Variants in LMNTD1 observed in about 807,000 individuals in gnomAD.
The protein encoded by LMNTD1 is lamin tail domain containing 1, also known as lamin tail domain-containing protein 1.
Under a neutral mutation model 50.9 loss-of-function variants are expected in LMNTD1, and 35 were observed. The ratio of observed to expected loss-of-function variants is 0.69; its 90% confidence interval spans 0.53 to 0.91. The LOEUF (loss-of-function observed/expected upper bound fraction) is 0.91. LMNTD1 is among the 40% of genes least tolerant of loss of function. The probability of loss-of-function intolerance (pLI) is 0.00; values close to 1 mark genes in which losing one functional copy is unlikely to be tolerated. For synonymous variants in LMNTD1, 153 were observed against 161.9 expected (o/e 0.94, Z 0.42); for missense variants, 470 against 475.5 (o/e 0.99, Z 0.11).
At chr12:25,638,983 A>T (rs1946894601) in intron 1 of LMNTD1, among the ~76,000 whole-genome samples, 1 of 152,200 alleles carries the variant, frequency 6.6e-6, no homozygotes, top group African/African-American at 2.4e-5. Flanking sequence ...AGATCAGTGG[A>T]ACATAACTGA....
intron 1 of LMNTD1, among the ~76,000 whole-genome samples, chr12:25,616,502 A>G (rs559084501): frequency 6.6e-6 from 1 of 152,312 alleles, no homozygotes; most frequent in Admixed American, 6.5e-5. Context: ...GGAAATGAAG[A>G]CAAGATTCAA....
intron 1 of LMNTD1, among the ~76,000 whole-genome samples, chr12:25,621,441 G>T (rs1178926625): frequency 2.6e-5 from 4 of 152,114 alleles, no homozygotes; most frequent in Non-Finnish European, 5.9e-5. Flanking sequence ...ACAAATAAGG[G>T]TTGTATAGAT....
At chr12:25,486,700 A>T (rs11502712) in intron 9 of LMNTD1, among the ~76,000 whole-genome samples, 27,090 of 148,874 alleles carry the variant, frequency 0.18, 2,582 homozygotes, top group Middle Eastern at 0.25. Flanking sequence ...ATTTATTGAG[A>T]GTTTTTAGCA....
At chr12:25,628,969 G>A (rs1274543014) in intron 1 of LMNTD1, among the ~76,000 whole-genome samples, 1 of 152,112 alleles carries the variant, frequency 6.6e-6, no homozygotes. Context: ...CCCAAAGGTG[G>A]TATGAGAAGC....
In LMNTD1 at chr12:25,584,634, G is replaced by A. The variant is rs187736373; in HGVS notation, c.59-38080C>T. ...ATGCTTTGACAAATAGTAAAGAAAC[G>A]CATTTTAACATCTGGTTTGACATCT... On this transcript the variant is annotated intron_variant, in intron 1 of 7. Transcript: ENST00000445693. Among the ~76,000 whole-genome samples, 333 of 152,256 alleles carry A rather than the reference G, an allele frequency of 2.2e-3. 1 individual carries two copies. The highest frequency in any genetic ancestry group is 3.2e-3 in the Non-Finnish European group (219 of 68,024).
intron 1 of LMNTD1, among the ~76,000 whole-genome samples, chr12:25,618,344 A>G (rs969935233): frequency 2.5e-4 from 38 of 152,296 alleles, no homozygotes; most frequent in African/African-American, 9.1e-4. Context: ...ATCATTCGTC[A>G]GGTGATTCTA....
intron 1 of LMNTD1, among the ~76,000 whole-genome samples, chr12:25,575,935 G>A (rs995371486): frequency 9.9e-5 from 15 of 152,110 alleles, no homozygotes; most frequent in African/African-American, 3.4e-4. Context: ...GTGAGAACAT[G>A]GGGTGTTTGG....
At chr12:25,531,245 T>A (rs1942205772) in intron 4 of LMNTD1, among the ~76,000 whole-genome samples, 1 of 152,232 alleles carries the variant, frequency 6.6e-6, no homozygotes, top group South Asian at 2.1e-4. Flanking sequence ...ACAACCCAGA[T>A]TTATGGCCTA....
chr12:25,518,761 A>G (rs1940989334), intron 8 of LMNTD1, 34 bp downstream of exon 8: 1 of 1,603,212 alleles, frequency 6.2e-7, no homozygotes, highest in Admixed American at 1.7e-5. Context: ...ACACACACGC[A>G]CTCTCCACTG....
intron 1 of LMNTD1, among the ~76,000 whole-genome samples, chr12:25,603,994 A>C (rs972311142): frequency 6.6e-6 from 1 of 152,102 alleles, no homozygotes; most frequent in African/African-American, 2.4e-5. Context: ...CAGGCTAATA[A>C]AGAGCTATGC....
chr12:25,491,768 G>A (rs1938892731), intron 9 of LMNTD1, among the ~76,000 whole-genome samples: 1 of 152,200 alleles, frequency 6.6e-6, no homozygotes, highest in South Asian at 2.1e-4. Context: ...AGTGACCAGG[G>A]AAGCTTAACC....
In LMNTD1 at chr12:25,484,410, G is replaced by A. The variant is rs188682283; in HGVS notation, c.*23-7950C>T. 1.1e-3 allele frequency among the ~76,000 whole-genome samples: 163 copies of A among 152,034 alleles called. 2 individuals are homozygous for A. Among genetic ancestry groups the A allele is most frequent in the African/African-American group, 3.7e-3 (154 of 41,316 alleles). On this transcript the variant is annotated intron_variant, in intron 9 of 9. Transcript: ENST00000458174. The stretch of plus-strand genomic sequence containing the variant: ...CACTGCGCCTGGCCCAGCATTGTTT[G>A]TAATAAGAAACATTTGGTAAGGAAT...
intron 4 of LMNTD1, among the ~76,000 whole-genome samples, chr12:25,528,903 G>A (rs1942017762): frequency 6.6e-6 from 1 of 152,080 alleles, no homozygotes; most frequent in Non-Finnish European, 1.5e-5. Context: ...AAAGAAAAAA[G>A]AGAAGAGTCC....
chr12:25,492,630 G>A (rs751572061), intron 9 of LMNTD1, among the ~76,000 whole-genome samples: 1 of 152,146 alleles, frequency 6.6e-6, no homozygotes, highest in Admixed American at 6.6e-5. Context: ...ATACATGTGA[G>A]CTAGAAATGC....
intron 1 of LMNTD1, among the ~76,000 whole-genome samples, chr12:25,591,032 A>G (rs751646588): frequency 1.1e-4 from 17 of 152,138 alleles, no homozygotes; most frequent in Non-Finnish European, 2.2e-4. Flanking sequence ...TTTACTTGAG[A>G]AAAGTGAAGG....
chr12:25,552,581 G>GAAAAAA (rs55848800), intron 2 of LMNTD1, among the ~76,000 whole-genome samples: 3,400 of 58,026 alleles, frequency 0.059, 410 homozygotes, highest in East Asian at 0.17. Context: ...CACTCTGTCT[G>GAAAAAA]AAAAAAAAAA....
chr12:25,522,542 G>A (rs1263496553), intron 6 of LMNTD1, among the ~76,000 whole-genome samples: 2 of 152,128 alleles, frequency 1.3e-5, no homozygotes, highest in Admixed American at 1.3e-4. Flanking sequence ...CCTTAAGCAA[G>A]CCATTTAACT....
intron 1 of LMNTD1, among the ~76,000 whole-genome samples, chr12:25,584,253 T>C (rs1343794661): frequency 6.6e-6 from 1 of 152,242 alleles, no homozygotes; most frequent in East Asian, 1.9e-4. Flanking sequence ...TTATGATTTT[T>C]CTCACTTAAA....
At chr12:25,520,139 G>GATATATAT (rs1394594290) in intron 6 of LMNTD1, 64 bp from the exon 7 acceptor site, 3,954 of 151,960 alleles carry the variant, frequency 0.026, 321 homozygotes, top group Admixed American at 0.048. Context: ...GCTGTTATGA[G>GATATATAT]ATATACATAT....
Sources: allele counts gnomAD v4.1 joint callset (sites outside exome capture counted in the v4.1 genomes callset), GRCh38; gene constraint gnomAD v4.1.1; transcripts MANE v1.5; gene names NCBI Gene and HGNC (gene_info 2026-07-23, HGNC 2026-07-21).